The following DTNA variants were observed in gnomAD, a reference collection of about 807,000 sequenced individuals.
DTNA encodes dystrophin-related protein 3.
In DTNA, 43 loss-of-function variants were observed where a neutral mutation model predicts 100.7. The observed-to-expected ratio is 0.43, with a 90% CI of 0.33 to 0.55. The LOEUF (loss-of-function observed/expected upper bound fraction) is 0.55. Ranked by LOEUF, DTNA falls within the 20% of genes least tolerant of loss-of-function variation. DTNA has a pLI of 0.04. For synonymous variants in DTNA, 349 were observed against 347.9 expected (o/e 1.00, Z -0.04); for missense variants, 798 against 953.9 (o/e 0.84, Z 2.15).
chr18:34,698,379 CG>C (rs1190075371), intron 1 of DTNA, among the ~76,000 whole-genome samples: 7 of 152,184 alleles, frequency 4.6e-5, no homozygotes, highest in Non-Finnish European at 7.3e-5. Flanking sequence ...GAAGGTTCTG[CG>C]GAAGAATCCC....
chr18:34,734,715 A>G (rs149944375), intron 1 of DTNA, among the ~76,000 whole-genome samples: 2 of 152,274 alleles, frequency 1.3e-5, no homozygotes, highest in African/African-American at 4.8e-5. Context: ...CAGCTTCATT[A>G]TGTTCCTTTA....
In DTNA at chr18:34,641,421, A is replaced by G. The variant is rs113569943; in HGVS notation, c.-1-114555A>G. Among the ~76,000 whole-genome samples, 19 of 152,332 alleles carry G rather than the reference A, an allele frequency of 1.2e-4. 1 individual carries two copies. The highest frequency in any genetic ancestry group is 4.6e-4 in the African/African-American group (19 of 41,578). On this transcript the variant is annotated intron_variant, in intron 1 of 19. Transcript: ENST00000283365. ...GTTTCACAGCAACTCTGAATATTAC[A>G]GACTTATTCCGTTTACCCAGGCTAA...
At chr18:34,624,410 A>T (rs912361507) in intron 1 of DTNA, among the ~76,000 whole-genome samples, 2 of 152,212 alleles carry the variant, frequency 1.3e-5, no homozygotes, top group African/African-American at 4.8e-5. Flanking sequence ...TGATATAGCA[A>T]CTGCCCCTTA....
chr18:34,820,814 T>C lies in DTNA; in HGVS notation c.900T>C (p.Thr300=). Residue 300 remains threonine (T), a synonymous_variant, in exon 9 of 23, where the codon ACT becomes ACC. Coordinates refer to ENST00000444659, the MANE Select transcript of DTNA (RefSeq NM_001386795.1). ...AGAAATCACCTGCTAAGAAGCTGAC[T>C]AATGCATTAAGCAAGTCCCTGAGCT... ...TSWKSPAKKL[T]NALSKSLSCA... is the part of the protein sequence containing the mutation. 1 of 1,614,158 alleles carries C rather than the reference T, an allele frequency of 6.2e-7. No individual in the cohort carries two copies. Among genetic ancestry groups the C allele is most frequent in the Non-Finnish European group, 8.5e-7 (1 of 1,179,998 alleles).
chr18:34,579,155 C>A (rs2048384508), intron 1 of DTNA, among the ~76,000 whole-genome samples: 1 of 151,984 alleles, frequency 6.6e-6, no homozygotes, highest in African/African-American at 2.4e-5. Flanking sequence ...CATGTAAGAA[C>A]CTTTAAAAAG....
chr18:34,621,140 CATATATTACAAAT>C (rs1421290729), intron 1 of DTNA, among the ~76,000 whole-genome samples: 33 of 148,786 alleles, frequency 2.2e-4, no homozygotes, highest in Non-Finnish European at 3.3e-4. Flanking sequence ...TAAGGATCAT[CATATATTACAAAT>C]ATATATTACA....
intron 4 of DTNA, among the ~76,000 whole-genome samples, chr18:34,801,073 C>CAATATATATATTGGTT (rs2095191471): frequency 6.6e-6 from 1 of 152,054 alleles, no homozygotes; most frequent in African/African-American, 2.4e-5. Context: ...ATATTTTAAC[C>CAATATATATATTGGTT]AAAGGGTAAG....
At chr18:34,800,197 C>T (rs2095155198) in intron 4 of DTNA, among the ~76,000 whole-genome samples, 2 of 152,120 alleles carry the variant, frequency 1.3e-5, no homozygotes, top group Non-Finnish European at 2.9e-5. Flanking sequence ...CTTGTGCATT[C>T]ATTAATTGAA....
At chr18:34,733,313 C>T (rs570622869) in intron 1 of DTNA, among the ~76,000 whole-genome samples, 17 of 152,204 alleles carry the variant, frequency 1.1e-4, no homozygotes, top group African/African-American at 3.1e-4. Context: ...AATTAGTCTT[C>T]TGTCCATTCG....
chr18:34,725,038 G>C (rs951896303), intron 1 of DTNA, among the ~76,000 whole-genome samples: 2 of 152,128 alleles, frequency 1.3e-5, no homozygotes, highest in Non-Finnish European at 2.9e-5. Context: ...AAACTGGCTA[G>C]TCATATGCAG....
chr18:34,508,296 G>A (rs2040696217), intron 1 of DTNA, among the ~76,000 whole-genome samples: 1 of 152,160 alleles, frequency 6.6e-6, no homozygotes, highest in African/African-American at 2.4e-5. Context: ...AGGAGATCTT[G>A]TCACATAGTA....
intron 1 of DTNA, among the ~76,000 whole-genome samples, chr18:34,664,092 A>G (rs761363911): frequency 1.3e-5 from 2 of 152,274 alleles, no homozygotes; most frequent in East Asian, 3.9e-4. Context: ...ACTGTCCATA[A>G]TAATCTGAAA....
At chr18:34,672,022 A>G (rs1191367751) in intron 1 of DTNA, among the ~76,000 whole-genome samples, 1 of 152,212 alleles carries the variant, frequency 6.6e-6, no homozygotes, top group Non-Finnish European at 1.5e-5. Context: ...CTTAACCTGC[A>G]AAATTCAATT....
chr18:34,869,041 C>A (rs574434405), intron 17 of DTNA, among the ~76,000 whole-genome samples: 2 of 152,246 alleles, frequency 1.3e-5, no homozygotes, highest in South Asian at 4.1e-4. Context: ...TATTAGTTTT[C>A]TTAGCAAAGT....
chr18:34,750,325 C>G (rs1018044773), intron 1 of DTNA, among the ~76,000 whole-genome samples: 1 of 152,114 alleles, frequency 6.6e-6, no homozygotes, highest in South Asian at 2.1e-4. Context: ...TGATTATTTC[C>G]AGTGTAACAA....
intron 1 of DTNA, among the ~76,000 whole-genome samples, chr18:34,617,412 G>A (rs896002107): frequency 6.6e-6 from 1 of 151,968 alleles, no homozygotes; most frequent in African/African-American, 2.4e-5. Flanking sequence ...TTCTTTCTAT[G>A]TGATTAATCA....
At chr18:34,835,598 C>G (rs2096122946) in intron 11 of DTNA, among the ~76,000 whole-genome samples, 1 of 152,106 alleles carries the variant, frequency 6.6e-6, no homozygotes, top group Non-Finnish European at 1.5e-5. Context: ...AGAAGGCCAC[C>G]AAAGGAAAGT....
chr18:34,542,765 A>G (rs2044368547), intron 1 of DTNA, among the ~76,000 whole-genome samples: 1 of 152,116 alleles, frequency 6.6e-6, no homozygotes, highest in African/African-American at 2.4e-5. Context: ...AATTTTTAAA[A>G]ATAGAAAAGG....
chr18:34,710,817 T>G (rs1490717372), intron 1 of DTNA, among the ~76,000 whole-genome samples: 1 of 152,088 alleles, frequency 6.6e-6, no homozygotes, highest in Non-Finnish European at 1.5e-5. Flanking sequence ...AATGGTCCGC[T>G]TTTCTTAGAG....
Sources: gnomAD v4.1 joint callset for allele counts (sites outside exome capture counted in the v4.1 genomes callset) on GRCh38, gnomAD v4.1.1 for gene constraint, MANE v1.5 for transcripts, NCBI Gene and HGNC (gene_info 2026-07-23, HGNC 2026-07-21) for gene names.